Variants in CEP290 observed in about 807,000 individuals in gnomAD.
The protein encoded by CEP290 is centrosomal protein of 290 kDa.
CEP290 carries 317 observed loss-of-function variants against 344.9 expected under a neutral mutation model. The observed-to-expected ratio is 0.92, with a 90% confidence interval of 0.84 to 1.01. The LOEUF (loss-of-function observed/expected upper bound fraction) is 1.01, where lower values mean the gene tolerates loss of function less well. Ranked by LOEUF, CEP290 falls within the 50% of genes least tolerant of loss-of-function variation. The pLI, the probability that CEP290 is intolerant of heterozygous loss-of-function variation, is 0.00. For missense variants in CEP290, 2,754 were observed against 2,761.4 expected, an observed-to-expected ratio of 1.00 and a Z score of 0.06; for synonymous variants, 932 against 895.8, an observed-to-expected ratio of 1.04 and a Z score of -0.72.
At chr12:88,122,870 T>C (rs2039494467) in intron 13 of CEP290, among the ~76,000 whole-genome samples, 1 of 152,136 alleles carries the variant, frequency 6.6e-6, no homozygotes, top group South Asian at 2.1e-4. Flanking sequence ...ATCTTTCAGA[T>C]GACCATTTTA....
chr12:88,086,537 G>C, intron 32 of CEP290, 39 bp from the exon 33 acceptor site: 1 of 1,408,450 alleles, frequency 7.1e-7, no homozygotes, highest in Non-Finnish European at 9.8e-7. Context: ...CATACACGAA[G>C]ACATCAGGCA....
chr12:88,087,827 C>A lies in CEP290; in HGVS notation c.4147G>T (p.Glu1383Ter). ...KYLNNIISEY[E>*]RTISSLEEEI... ...TCTTCAAGACTGCTGATTGTACGTT[C>A]ATATTCAGAAATTATGTTATTCAAA... The change falls in exon 32 of 54, where the codon GAA becomes TAA. Residue 1383 changes from glutamate (E) to a stop codon, truncating the protein, a stop_gained. Coordinates refer to ENST00000552810, the MANE Select transcript of CEP290 (RefSeq NM_025114.4). LOFTEE classifies it high-confidence loss of function. 7.8e-7 allele frequency: 1 copy of A among 1,286,214 alleles called. No individual in the cohort carries two copies. The highest frequency in any genetic ancestry group is 1.0e-6 in the Non-Finnish European group (1 of 999,280). 79.7% of individuals were successfully genotyped at this position (1,286,214 alleles called of 1,614,324 possible).
rs1327601640 is a variant in CEP290, at chr12:88,105,967, A to G, written c.2817+708T>C. Among the ~76,000 whole-genome samples the G allele has an allele frequency of 5.3e-5, 8 of 152,206 alleles. No homozygotes were observed. The East Asian group carries it at 1.5e-3, about 29-fold the overall frequency. On this transcript the variant is annotated intron_variant, in intron 25 of 53. Coordinates refer to ENST00000552810, the MANE Select transcript of CEP290 (RefSeq NM_025114.4). ...TTTTGTAGAGACGGAGTCTCACTAT[A>G]TTGCCTAGGCTGGTCTGGGCTCAGG...
At chr12:88,073,207 C>T (rs1268203220) in intron 41 of CEP290, among the ~76,000 whole-genome samples, 3 of 152,176 alleles carry the variant, frequency 2.0e-5, no homozygotes, top group Non-Finnish European at 2.9e-5. Flanking sequence ...AGGAATACAA[C>T]AGTCTTATAA....
chr12:88,112,471 A>C (rs1199514398), intron 20 of CEP290, among the ~76,000 whole-genome samples: 1 of 152,168 alleles, frequency 6.6e-6, no homozygotes, highest in African/African-American at 2.4e-5. Context: ...ATAATGAGTA[A>C]GCAAAAATAA....
At chr12:88,064,961 C>T (rs979278354) in intron 44 of CEP290, among the ~76,000 whole-genome samples, 3 of 152,062 alleles carry the variant, frequency 2.0e-5, no homozygotes, top group Non-Finnish European at 4.4e-5. Flanking sequence ...TAATGGTTCC[C>T]TCTTTGAAAA....
intron 18 of CEP290, chr12:88,115,906 T>C: frequency 1.0e-6 from 1 of 984,412 alleles, no homozygotes; most frequent in East Asian, 1.1e-4. Context: ...AATATCTCTG[T>C]CTGTAAGGGT....
Position 88,126,315 on chromosome 12 carries a change from C to T in CEP290, c.1065+1G>A. 2.7e-6 allele frequency: 4 copies of T among 1,455,110 alleles called. No individual in the cohort carries two copies. Among genetic ancestry groups the T allele is most frequent in the Non-Finnish European group, 3.6e-6 (4 of 1,109,250 alleles). 90.1% of individuals were successfully genotyped at this position (1,455,110 alleles called of 1,614,324 possible). A position where few individuals can be genotyped will look rare whatever the true frequency, so the allele number is the denominator to read the frequency against. On this transcript the variant is annotated splice_donor_variant, in intron 12 of 53. Coordinates refer to ENST00000552810, the MANE Select transcript of CEP290 (RefSeq NM_025114.4). LOFTEE classifies it high-confidence loss of function. ...TAAACAAAATTCTGTTAAGATTTTA[C>T]CTGCTGTAGAGCCATAACATTACTT...
intron 6 of CEP290, among the ~76,000 whole-genome samples, chr12:88,134,865 A>G (rs2040269295): frequency 1.3e-5 from 2 of 152,182 alleles, no homozygotes; most frequent in African/African-American, 4.8e-5. Flanking sequence ...TCTAGGTCTT[A>G]GCAAATGCTA....
chr12:88,049,236 G>A lies in CEP290; in HGVS notation c.7388C>T (p.Ser2463Phe), dbSNP rs764437559. The change falls in exon 54 of 54, where the codon TCT (serine) becomes TTT (phenylalanine). Residue 2463 changes from serine to phenylalanine, a missense_variant. Coordinates refer to ENST00000552810, the MANE Select transcript of CEP290 (RefSeq NM_025114.4). The part of the protein sequence containing the change: ...GVELTSPVAA[S>F]EEFEDEEESP... ...TTCTTCTTCATCTTCAAACTCTTCA[G>A]AAGCAGCAACAGGGCTAGTTAATTC... The A allele has an allele frequency of 6.2e-7, 1 of 1,608,642 alleles. No homozygotes were observed. The highest frequency in any genetic ancestry group is 8.5e-7 in the Non-Finnish European group (1 of 1,178,566).
intron 21 of CEP290, 81 bp from the exon 22 acceptor site, chr12:88,111,432 C>A: frequency 7.6e-7 from 1 of 1,324,000 alleles, no homozygotes; most frequent in Non-Finnish European, 1.0e-6. Context: ...GAATGCCCTG[C>A]CAGGAATTTT....
intron 18 of CEP290, 57 bp downstream of exon 18, chr12:88,116,973 CAAA>C (rs890305929): frequency 0.013 from 7,069 of 528,908 alleles, no homozygotes; most frequent in Admixed American, 0.018. Flanking sequence ...GACTCCGTCT[CAAA>C]AAAAAAAAAA....
intron 6 of CEP290, among the ~76,000 whole-genome samples, chr12:88,132,900 C>T (rs1446718471): frequency 5.3e-5 from 8 of 152,050 alleles, no homozygotes; most frequent in African/African-American, 1.7e-4. Context: ...GACCCCTTGA[C>T]GGGTCCCAGT....
intron 46 of CEP290, among the ~76,000 whole-genome samples, chr12:88,061,486 A>T (rs2034478505): frequency 6.6e-6 from 1 of 152,208 alleles, no homozygotes; most frequent in African/African-American, 2.4e-5. Context: ...TATCTGAAAT[A>T]AAAAACCTTG....
intron 41 of CEP290, among the ~76,000 whole-genome samples, chr12:88,077,009 T>G (rs375402221): frequency 1.2e-4 from 19 of 152,032 alleles, no homozygotes; most frequent in African/African-American, 4.6e-4. Context: ...AGTTACATTA[T>G]AGGTATCTCC....
chr12:88,069,978 G>C (rs1565809342), intron 43 of CEP290, among the ~76,000 whole-genome samples: 6 of 152,116 alleles, frequency 3.9e-5, no homozygotes, highest in African/African-American at 1.4e-4. Context: ...AGATTAAATA[G>C]TTTTAGCTGT....
intron 36 of CEP290, among the ~76,000 whole-genome samples, chr12:88,083,564 A>G (rs1026544147): frequency 6.6e-6 from 1 of 152,220 alleles, no homozygotes; most frequent in African/African-American, 2.4e-5. Flanking sequence ...GGCAAATATG[A>G]GCTGAATTCT....
In CEP290 at chr12:88,138,163, AC is replaced by A. The variant is rs1322744132; in HGVS notation, c.297+981del. 2.6e-5 allele frequency among the ~76,000 whole-genome samples: 4 copies of A among 151,740 alleles called. No homozygotes were observed. In the East Asian group the frequency reaches 7.7e-4, roughly 29 times the overall value. ...TCCTTCGACCTCACAGGACACTCTAACCCCTCATCTTCTCCCTCCATATCCC... is the reference window on the plus strand; with the variant it reads ...TCCTTCGACCTCACAGGACACTCTAACCCTCATCTTCTCCCTCCATATCCC... On this transcript the variant is annotated intron_variant, in intron 5 of 53. Transcript: ENST00000552810.
chr12:88,095,056 G>A (rs910826434), intron 27 of CEP290, among the ~76,000 whole-genome samples: 9 of 152,074 alleles, frequency 5.9e-5, no homozygotes, highest in Admixed American at 5.2e-4. Flanking sequence ...TCACTAACAG[G>A]TGCTAAAAGC....
Sources: allele counts gnomAD v4.1 joint callset (sites outside exome capture counted in the v4.1 genomes callset), GRCh38; gene constraint gnomAD v4.1.1; transcripts MANE v1.5; gene names NCBI Gene and HGNC (gene_info 2026-07-23, HGNC 2026-07-21).